The following ZNF397 variants were observed in gnomAD, a reference collection of about 807,000 sequenced individuals.
The protein encoded by ZNF397 is zinc finger protein 397.
Under a neutral mutation model 50.6 loss-of-function variants are expected in ZNF397, and 38 were observed. The ratio of observed to expected loss-of-function variants is 0.75; its 90% CI spans 0.58 to 0.98. The LOEUF (loss-of-function observed/expected upper bound fraction) is 0.98. Among genes scored for constraint, ZNF397 ranks in the 50% least tolerant of loss-of-function variants. ZNF397 has a pLI of 0.00. For missense variants in ZNF397, 624 were observed against 624.1 expected (o/e 1.00, Z 0.00); for synonymous variants, 228 against 215.2 (o/e 1.06, Z -0.52).
downstream of ZNF397, chr18:35,258,488 AGAAACT>A (rs1008988872): frequency 3.9e-5 from 6 of 155,736 alleles, no homozygotes; most frequent in African/African-American, 1.4e-4. Flanking sequence ...ATGAATGTGG[AGAAACT>A]GAAGCATGTC....
chr18:35,251,340 T>C (rs1330649247), downstream of ZNF397: 2 of 152,204 alleles, frequency 1.3e-5, no homozygotes, highest in East Asian at 3.8e-4. Flanking sequence ...TATATGATAC[T>C]TAAAACATTA....
In ZNF397 at chr18:35,242,617, T is replaced by G; in HGVS notation, c.147T>G (p.Phe49Leu). Reference protein sequence around the residue: ...NGSTQSCQELFRQQFRKFCYQ... With the variant: ...NGSTQSCQELLRQQFRKFCYQ... Reference sequence around the variant, plus strand: ...GTACTCAATCCTGCCAAGAATTGTTTCGTCAGCAATTCAGAAAATTTTGCT... The same window carrying G: ...GTACTCAATCCTGCCAAGAATTGTTGCGTCAGCAATTCAGAAAATTTTGCT... Residue 49 changes from phenylalanine to leucine, a missense_variant, in exon 2 of 4, where the codon TTT becomes TTG. Transcript: ENST00000330501. 6.2e-7 allele frequency: 1 copy of G among 1,614,238 alleles called. No homozygotes were observed. The highest frequency in any genetic ancestry group is 8.5e-7 in the Non-Finnish European group (1 of 1,180,040).
At chr18:35,241,302 G>C (rs1384210580) in intron 1 of ZNF397, 193 bp downstream of exon 1, 1 of 152,248 alleles carries the variant, frequency 6.6e-6, no homozygotes, top group East Asian at 1.9e-4. Flanking sequence ...ACGCAGTTCC[G>C]CTGACCCCGT....
At chr18:35,243,050 C>G (rs887107976) in intron 2 of ZNF397, 102 bp from the exon 3 acceptor site, 4 of 1,551,722 alleles carry the variant, frequency 2.6e-6, no homozygotes, top group Admixed American at 3.7e-5. Flanking sequence ...TTCCCCTGTC[C>G]TTCATCCCTG....
Position 35,248,807 on chromosome 18 carries a change from A to T in ZNF397, c.*2497A>T, listed in dbSNP as rs2043522629. Reference sequence around the variant, plus strand: ...CAGTGAGGCAAGATCACACCACTGCACTCCAGCCTGGGAGAGCAAGACCCT... The same window carrying T: ...CAGTGAGGCAAGATCACACCACTGCTCTCCAGCCTGGGAGAGCAAGACCCT... On this transcript the variant is annotated 3_prime_UTR_variant, in exon 4 of 4. Transcript: ENST00000330501. 6.6e-6 allele frequency: 1 copy of T among 152,224 alleles called. No individual in the cohort carries two copies. The highest frequency in any genetic ancestry group is 6.6e-5 in the Admixed American group (1 of 15,252). 9.4% of individuals were successfully genotyped at this position (152,224 alleles called of 1,614,324 possible).
chr18:35,242,750 G>A lies in ZNF397; in HGVS notation c.280G>A (p.Val94Ile). The A allele has an allele frequency of 6.2e-7, 1 of 1,614,184 alleles. No individual in the cohort carries two copies. The highest frequency in any genetic ancestry group is 8.5e-7 in the Non-Finnish European group (1 of 1,180,032). Residue 94 changes from valine (V) to isoleucine (I), a missense_variant, in exon 2 of 4, where the codon GTA becomes ATA. By Grantham distance (29) the Val-to-Ile change is conservative (BLOSUM62 3). Transcript: ENST00000330501. ...HTKEQILELL[V>I]LEQFLSILPE... ...AAAGGAGCAGATCTTAGAACTGCTG[G>A]TACTGGAGCAGTTCCTGAGCATTCT...
rs2043499469 is a variant in ZNF397, at chr18:35,247,407, G to A, written c.*1097G>A. ...GCCTATACCTCAAGAGTCTGCTAGA[G>A]TGTTAAGACTCTATTCTCCTTTGAT... On this transcript the variant is annotated 3_prime_UTR_variant, in exon 4 of 4. Transcript: ENST00000330501. The A allele has an allele frequency of 6.6e-6, 1 of 152,430 alleles. No individual in the cohort carries two copies. The highest frequency in any genetic ancestry group is 2.4e-5 in the African/African-American group (1 of 41,452). The allele number at this position is 152,430 out of a possible 1,614,324, so 9.4% of individuals were successfully genotyped here. A position where few individuals can be genotyped will look rare whatever the true frequency, so the allele number is the denominator to read the frequency against.
At chr18:35,243,470 C>T (rs1028815931) in intron 3 of ZNF397, 177 bp downstream of exon 3, 2 of 773,050 alleles carry the variant, frequency 2.6e-6, no homozygotes, top group Admixed American at 2.3e-5. Flanking sequence ...TGTCAGCCCT[C>T]CTGTGTGAGT....
At chr18:35,253,189 T>C (rs1039413435), downstream of ZNF397, 108 of 322,312 alleles carry the variant, frequency 3.4e-4, no homozygotes, top group Admixed American at 1.4e-3. Flanking sequence ...AAGGGGATAT[T>C]GATGAGTCTC....
In ZNF397 at chr18:35,246,691, A is replaced by G; in HGVS notation, c.*381A>G. On this transcript the variant is annotated 3_prime_UTR_variant, in exon 4 of 4. Transcript: ENST00000330501. ...GGGGCTGGTGTGGACTGTGTGAGGCACTTCGTCTCAGGAACTAAAAAAAAA... is the reference window on the plus strand; with the variant it reads ...GGGGCTGGTGTGGACTGTGTGAGGCGCTTCGTCTCAGGAACTAAAAAAAAA... 2 of 992,160 alleles carry G rather than the reference A, an allele frequency of 2.0e-6. No homozygotes were observed. The highest frequency in any genetic ancestry group is 2.4e-6 in the Non-Finnish European group (2 of 834,886). 61.5% of individuals were successfully genotyped at this position (992,160 alleles called of 1,614,324 possible). A position where few individuals can be genotyped will look rare whatever the true frequency, so the allele number is the denominator to read the frequency against.
downstream of ZNF397, chr18:35,254,031 CAT>C (rs2043696855): frequency 1.2e-6 from 2 of 1,614,096 alleles, no homozygotes; most frequent in Non-Finnish European, 8.5e-7. Context: ...TCAAAGCACT[CAT>C]AGAGCTTTTC....
chr18:35,251,211 T>C (rs2043580544), downstream of ZNF397: 1 of 152,180 alleles, frequency 6.6e-6, no homozygotes, highest in Admixed American at 6.5e-5. Flanking sequence ...TAAACACTAA[T>C]AGAAAGTACT....
chr18:35,252,790 G>C (rs1246801657), downstream of ZNF397: 1 of 152,216 alleles, frequency 6.6e-6, no homozygotes, highest in African/African-American at 2.4e-5. Flanking sequence ...CTTAACTCTG[G>C]GAGGGCAATG....
rs2143595798 is a variant in ZNF397, at chr18:35,245,424, G to A, written c.719G>A (p.Gly240Glu). 4 of 1,570,488 alleles carry A rather than the reference G, an allele frequency of 2.5e-6. No individual in the cohort carries two copies. In the East Asian group the frequency reaches 9.6e-5, roughly 38 times the overall value. The change falls in exon 4 of 4, where the codon GGG becomes GAG. Residue 240 changes from glycine to glutamate, a missense_variant. Gly to Glu is a moderately conservative substitution (Grantham distance 98). Transcript: ENST00000330501. ...TGEKLRSPSQGGSFSQVIFTN... is the reference protein window; with the variant it reads ...TGEKLRSPSQEGSFSQVIFTN... Reference sequence around the variant, plus strand: ...GAGAAACTAAGATCTCCTTCCCAAGGGGGCAGTTTTAGTCAAGTGATCTTC... The same window carrying A: ...GAGAAACTAAGATCTCCTTCCCAAGAGGGCAGTTTTAGTCAAGTGATCTTC...
At chr18:35,256,603 C>T (rs2043828179) in intron 5 of ZNF397, among the ~76,000 whole-genome samples, 1 of 151,888 alleles carries the variant, frequency 6.6e-6, no homozygotes, top group Admixed American at 6.6e-5. Flanking sequence ...TTCAGAAATA[C>T]TTGCATAGAG....
Position 35,246,519 on chromosome 18 carries a change from A to G in ZNF397, c.*209A>G, listed in dbSNP as rs1308797315. On this transcript the variant is annotated 3_prime_UTR_variant, in exon 4 of 4. Coordinates refer to ENST00000330501, the MANE Select transcript of ZNF397 (RefSeq NM_001135178.3). ...AATCAGAACAGAATACAGAAGAATC[A>G]TTACTTCCAGCTCTTCTCTTATTAG... 1.4e-5 allele frequency: 19 copies of G among 1,314,144 alleles called. No homozygotes were observed. Among genetic ancestry groups the G allele is most frequent in the Non-Finnish European group, 1.7e-5 (18 of 1,034,838 alleles). The allele number at this position is 1,314,144 out of a possible 1,614,324, so 81.4% of individuals were successfully genotyped here. A position where few individuals can be genotyped will look rare whatever the true frequency, so the allele number is the denominator to read the frequency against.
At chr18:35,258,657 G>A (rs1466763353), downstream of ZNF397, 1 of 152,110 alleles carries the variant, frequency 6.6e-6, no homozygotes, top group African/African-American at 2.4e-5. Context: ...GGATAACAAG[G>A]TCAGGAGTTT....
At position 35,247,228 on chromosome 18, in the gene ZNF397, C is replaced by T; in HGVS notation, c.*918C>T. ...GAGAAGTTCCTGTTAATAGACAAAA[C>T]CTGGAGCCCTTGGGCCACAGGGTAG... On this transcript the variant is annotated 3_prime_UTR_variant, in exon 4 of 4. Coordinates refer to ENST00000330501, the MANE Select transcript of ZNF397 (RefSeq NM_001135178.3). The T allele has an allele frequency of 1.0e-6, 1 of 968,890 alleles. No homozygotes were observed. The highest frequency in any genetic ancestry group is 1.2e-6 in the Non-Finnish European group (1 of 814,858). 60.0% of individuals were successfully genotyped at this position (968,890 alleles called of 1,614,324 possible).
chr18:35,253,352 C>A (rs1372363019), downstream of ZNF397: 3 of 955,722 alleles, frequency 3.1e-6, no homozygotes, highest in Non-Finnish European at 4.6e-6. Flanking sequence ...GAGGGAAGGA[C>A]AGAAGTTCTG....
Sources: allele counts gnomAD v4.1 joint callset (sites outside exome capture counted in the v4.1 genomes callset), GRCh38; gene constraint gnomAD v4.1.1; transcripts MANE v1.5; gene names NCBI Gene and HGNC (gene_info 2026-07-23, HGNC 2026-07-21).